Variants in RFPL1 observed in about 807,000 individuals in gnomAD.
The protein encoded by RFPL1 is ret finger protein-like 1.
RFPL1 carries 6 observed loss-of-function variants against 9.6 expected under a neutral mutation model. The ratio of observed to expected loss-of-function variants is 0.62; its 90% CI spans 0.34 to 1.23. The LOEUF (loss-of-function observed/expected upper bound fraction) is 1.23. RFPL1 is among the 50% of genes most tolerant of loss of function. RFPL1 has a pLI of 0.03. For synonymous variants in RFPL1, 145 were observed against 149.4 expected (o/e 0.97, Z 0.22); for missense variants, 352 against 398.4 (o/e 0.88, Z 0.99).
At chr22:29,427,557 T>C in the RFPL1 span, among the ~76,000 whole-genome samples, 1 of 152,186 alleles carries the variant, frequency 6.6e-6, no homozygotes, top group Non-Finnish European at 1.5e-5. Flanking sequence ...CTAGAGATGA[T>C]TCAACAGCTT....
the RFPL1 span, among the ~76,000 whole-genome samples, chr22:29,389,603 G>T: frequency 2.1e-5 from 3 of 143,994 alleles, no homozygotes; most frequent in Middle Eastern, 4.1e-3. Flanking sequence ...GGAGAATGGC[G>T]TGAACCCGGG....
chr22:29,436,859 T>A (rs2062811167), upstream of RFPL1: 1 of 152,104 alleles, frequency 6.6e-6, no homozygotes, highest in Admixed American at 6.6e-5. Context: ...AAAGAGAAAA[T>A]TCCTTTAATA....
upstream of RFPL1, among the ~76,000 whole-genome samples, chr22:29,434,001 T>TCA (rs3216870): frequency 0.13 from 19,243 of 148,952 alleles, 2,601 homozygotes; most frequent in East Asian, 0.37. Context: ...TGACACACAC[T>TCA]CACACACACA....
chr22:29,392,378 CTTTTTTTTTTT>C, the RFPL1 span, among the ~76,000 whole-genome samples: 1,902 of 46,224 alleles, frequency 0.041, 38 homozygotes, highest in Non-Finnish European at 0.062. Context: ...CCACACCTGG[CTTTTTTTTTTT>C]TTTTTTTTTT....
chr22:29,430,576 C>A, the RFPL1 span, among the ~76,000 whole-genome samples: 3 of 152,054 alleles, frequency 2.0e-5, no homozygotes, highest in Non-Finnish European at 4.4e-5. Flanking sequence ...TGTATGTGAA[C>A]AGTTTTAGGG....
At chr22:29,405,368 G>A in the RFPL1 span, among the ~76,000 whole-genome samples, 1 of 152,164 alleles carries the variant, frequency 6.6e-6, no homozygotes, top group East Asian at 1.9e-4. Context: ...GGTGATTTAG[G>A]TAAAATCACC....
the RFPL1 span, among the ~76,000 whole-genome samples, chr22:29,426,252 G>T: frequency 6.6e-6 from 1 of 151,842 alleles, no homozygotes; most frequent in Non-Finnish European, 1.5e-5. Context: ...GAATCCGGGA[G>T]ATGAGGGTTA....
the RFPL1 span, among the ~76,000 whole-genome samples, chr22:29,393,470 C>G: frequency 6.6e-6 from 1 of 152,200 alleles, no homozygotes; most frequent in African/African-American, 2.4e-5. Context: ...GGGAAGGGAG[C>G]ATCTAAGGGA....
At chr22:29,435,287 C>T (rs1024099502), upstream of RFPL1, among the ~76,000 whole-genome samples, 21 of 152,224 alleles carry the variant, frequency 1.4e-4, 1 homozygote, top group Non-Finnish European at 2.9e-5. Context: ...CACCCTGCAC[C>T]GTGCTGCTGT....
the RFPL1 span, among the ~76,000 whole-genome samples, chr22:29,410,867 A>G: frequency 6.6e-6 from 1 of 151,818 alleles, no homozygotes; most frequent in Non-Finnish European, 1.5e-5. Context: ...AAAAAATCAC[A>G]AGCCTCTCTC....
the RFPL1 span, among the ~76,000 whole-genome samples, chr22:29,414,585 C>T: frequency 6.6e-6 from 1 of 152,040 alleles, no homozygotes; most frequent in Non-Finnish European, 1.5e-5. Flanking sequence ...TTACAGAATA[C>T]TGATTGTGTT....
At chr22:29,432,132 C>A in the RFPL1 span, among the ~76,000 whole-genome samples, 1 of 152,212 alleles carries the variant, frequency 6.6e-6, no homozygotes, top group Non-Finnish European at 1.5e-5. Flanking sequence ...TGGATGGATT[C>A]CATTCGGCTC....
At chr22:29,422,721 C>T in the RFPL1 span, among the ~76,000 whole-genome samples, 10 of 151,898 alleles carry the variant, frequency 6.6e-5, no homozygotes, top group Admixed American at 3.3e-4. Flanking sequence ...CCAGCTTGGG[C>T]GACAAGAGTG....
chr22:29,438,821 C>T (rs1172348840), exon 1 of RFPL1: 14 of 1,613,766 alleles, frequency 8.7e-6, no homozygotes, highest in Admixed American at 1.7e-5. Flanking sequence ...TCACAACTAA[C>T]AGGCTTTCAC....
chr22:29,424,516 G>A, the RFPL1 span, among the ~76,000 whole-genome samples: 1 of 152,054 alleles, frequency 6.6e-6, no homozygotes, highest in Admixed American at 6.6e-5. Flanking sequence ...TTTGCCCAAG[G>A]TCAAATGGCT....
the RFPL1 span, among the ~76,000 whole-genome samples, chr22:29,415,581 G>A: frequency 2.6e-5 from 4 of 152,346 alleles, no homozygotes; most frequent in African/African-American, 9.6e-5. Flanking sequence ...CTCGCTTCCC[G>A]GTCAGGGAAC....
chr22:29,390,894 G>A, the RFPL1 span, among the ~76,000 whole-genome samples: 3,368 of 151,292 alleles, frequency 0.022, 114 homozygotes, highest in African/African-American at 0.076. Context: ...CACCGTGCCC[G>A]GCCACCTTAT....
At chr22:29,435,861 T>C (rs1159245865), upstream of RFPL1, among the ~76,000 whole-genome samples, 1 of 152,278 alleles carries the variant, frequency 6.6e-6, no homozygotes, top group Non-Finnish European at 1.5e-5. Flanking sequence ...ATTTCCATGA[T>C]ACATGCAGAT....
exon 2 of RFPL1, chr22:29,442,438 A>C (rs1213426529): frequency 5.1e-6 from 1 of 197,142 alleles, no homozygotes; most frequent in African/African-American, 2.3e-5. Context: ...TATGAGTTAA[A>C]TAAACATTGG....
Sources: allele counts gnomAD v4.1 joint callset (sites outside exome capture counted in the v4.1 genomes callset), GRCh38; gene constraint gnomAD v4.1.1; transcripts MANE v1.5; gene names NCBI Gene and HGNC (gene_info 2026-07-23, HGNC 2026-07-21).